EIF3B: variants seen among roughly 807,000 people sequenced by gnomAD.
EIF3B encodes eukaryotic translation initiation factor 3 subunit B.
A neutral mutation model predicts 104.6 loss-of-function variants in EIF3B; 10 were observed. The observed-to-expected ratio is 0.10, with a 90% CI of 0.06 to 0.16. The LOEUF (loss-of-function observed/expected upper bound fraction) is 0.16. Among genes scored for constraint, EIF3B ranks in the 10% least tolerant of loss-of-function variants. The probability of loss-of-function intolerance (pLI) is 1.00; values close to 1 mark genes in which losing one functional copy is unlikely to be tolerated. For synonymous variants in EIF3B, 542 were observed against 417.2 expected, an observed-to-expected ratio of 1.30 and a Z score of -3.65; for missense variants, 1,014 against 1,087.9, an observed-to-expected ratio of 0.93 and a Z score of 0.96.
intron 2 of EIF3B, 100 bp downstream of exon 2, chr7:2,361,002 A>ACGTGCCTG: frequency 3.0e-6 from 3 of 1,003,944 alleles, no homozygotes; most frequent in Non-Finnish European, 4.4e-6. Context: ...TGCCTTGCCC[A>ACGTGCCTG]GGCACGTGGG....
In EIF3B at chr7:2,355,440, G is replaced by A. The variant is rs778202566; in HGVS notation, c.499+20G>A. On this transcript the variant is annotated intron_variant, in intron 1 of 18. Coordinates refer to ENST00000360876, the MANE Select transcript of EIF3B (RefSeq NM_001037283.2). Reference sequence around the variant, plus strand: ...AGGAAGGTGAGGGCGCCCGGGGCGGGGCTGGCGAGCGGCGCGGGAGCGTGG... The same window carrying A: ...AGGAAGGTGAGGGCGCCCGGGGCGGAGCTGGCGAGCGGCGCGGGAGCGTGG... 6.6e-4 allele frequency: 944 copies of A among 1,425,562 alleles called. 6 individuals carry two copies. The highest frequency in any genetic ancestry group is 3.3e-4 in the Non-Finnish European group (361 of 1,090,572). 88.3% of individuals were successfully genotyped at this position (1,425,562 alleles called of 1,614,324 possible). A position where few individuals can be genotyped will look rare whatever the true frequency, so the allele number is the denominator to read the frequency against.
At chr7:2,358,286 G>A (rs1036290510) in intron 1 of EIF3B, among the ~76,000 whole-genome samples, 1 of 152,102 alleles carries the variant, frequency 6.6e-6, no homozygotes, top group African/African-American at 2.4e-5. Flanking sequence ...GTTTTGCCTT[G>A]TTGGCCAGGC....
intron 13 of EIF3B, 69 bp downstream of exon 13, chr7:2,374,675 C>A: frequency 1.4e-6 from 2 of 1,394,560 alleles, no homozygotes; most frequent in Non-Finnish European, 2.0e-6. Flanking sequence ...ACCCCTCAGG[C>A]GCCTGCACCC....
chr7:2,355,118 T>G lies in EIF3B; in HGVS notation c.197T>G (p.Val66Gly), dbSNP rs1319605276. The change falls in exon 1 of 19, where the codon GTG becomes GGG. Residue 66 changes from valine to glycine, a missense_variant. Around this residue, in one of 4 missense-constraint regions of EIF3B, gnomAD observed 488 missense variants for 404.3 expected, o/e 1.21. Coordinates refer to ENST00000360876, the MANE Select transcript of EIF3B (RefSeq NM_001037283.2). ...GIAEAGPESE[V>G]RTEPAAEAEA... The stretch of plus-strand genomic sequence containing the variant: ...GCGGAGGCCGGGCCGGAGTCCGAGG[T>G]GAGGACCGAGCCGGCGGCCGAGGCA... The G allele has an allele frequency of 1.4e-6, 2 of 1,391,398 alleles. No homozygotes were observed. The highest frequency in any genetic ancestry group is 9.2e-7 in the Non-Finnish European group (1 of 1,081,582). 86.2% of individuals were successfully genotyped at this position (1,391,398 alleles called of 1,614,324 possible).
At chr7:2,362,337 T>A (rs1779776283) in intron 2 of EIF3B, among the ~76,000 whole-genome samples, 1 of 152,190 alleles carries the variant, frequency 6.6e-6, no homozygotes, top group Non-Finnish European at 1.5e-5. Context: ...TACAATTTAA[T>A]ACATTTTGAT....
intron 17 of EIF3B, 30 bp downstream of exon 17, chr7:2,379,272 G>C (rs780842747): frequency 6.3e-7 from 1 of 1,597,216 alleles, no homozygotes; most frequent in Admixed American, 1.7e-5. Flanking sequence ...GTCCCCAGGA[G>C]CTGGCCCTTA....
In EIF3B at chr7:2,371,741, C is replaced by G. The variant is rs778903203; in HGVS notation, c.1615-36C>G. ...AAACCTTTTCTCATATTTTCACTGT[C>G]CAGAATGTCACCCCTTCCCCCTTTT... On this transcript the variant is annotated intron_variant, in intron 10 of 18. Transcript: ENST00000360876. The G allele has an allele frequency of 5.4e-6, 8 of 1,479,420 alleles. No homozygotes were observed. In the South Asian group the frequency reaches 6.8e-5, roughly 13 times the overall value. 91.6% of individuals were successfully genotyped at this position (1,479,420 alleles called of 1,614,324 possible).
In EIF3B at chr7:2,355,236, C is replaced by T. The variant is rs868300546; in HGVS notation, c.315C>T (p.Gly105=). 1 of 1,512,188 alleles carries T rather than the reference C, an allele frequency of 6.6e-7. No homozygotes were observed. The highest frequency in any genetic ancestry group is 8.8e-7 in the Non-Finnish European group (1 of 1,138,040). 93.7% of individuals were successfully genotyped at this position (1,512,188 alleles called of 1,614,324 possible). A position where few individuals can be genotyped will look rare whatever the true frequency, so the allele number is the denominator to read the frequency against. Residue 105 remains glycine (G), a synonymous_variant, in exon 1 of 19, where the codon GGC becomes GGT. Transcript: ENST00000360876. The part of the protein sequence containing the change: ...SHAEPPVPAQ[G]EAPGEQARDE... ...CTGAGCCCCCTGTCCCGGCACAGGG[C>T]GAGGCCCCAGGAGAGCAGGCTCGGG...
chr7:2,377,692 T>A (rs372505148), intron 15 of EIF3B: 350 of 29,058 alleles, frequency 0.012, 5 homozygotes, highest in Admixed American at 0.019. Context: ...GCTCCTGGGA[T>A]GCTGTGTTCT....
intron 9 of EIF3B, among the ~76,000 whole-genome samples, chr7:2,367,836 T>C (rs1583166645): frequency 3.7e-5 from 2 of 53,994 alleles, no homozygotes; most frequent in Non-Finnish European, 1.1e-4. Flanking sequence ...TTTTTTTTTT[T>C]TTTTTTTTTT....
intron 14 of EIF3B, 199 bp from the exon 15 acceptor site, chr7:2,376,751 C>T (rs150672383): frequency 1.5e-6 from 1 of 656,372 alleles, no homozygotes; most frequent in Non-Finnish European, 2.5e-6. Context: ...CTGCTCCGTG[C>T]CCCGCACTCC....
intron 1 of EIF3B, among the ~76,000 whole-genome samples, chr7:2,360,253 A>T (rs1276519293): frequency 6.6e-6 from 1 of 152,188 alleles, no homozygotes; most frequent in Non-Finnish European, 1.5e-5. Context: ...TGAGCATTTA[A>T]ATATTTACTT....
chr7:2,375,789 T>C (rs75004118), intron 14 of EIF3B, among the ~76,000 whole-genome samples: 1,965 of 151,980 alleles, frequency 0.013, 44 homozygotes, highest in African/African-American at 0.044. Flanking sequence ...TGAAAAGGAG[T>C]GAGAATGTCT....
chr7:2,373,895 C>T (rs904948768), intron 12 of EIF3B: 3 of 152,270 alleles, frequency 2.0e-5, no homozygotes, highest in Admixed American at 6.5e-5. Flanking sequence ...TGCCCTCCCA[C>T]ATCTCCTCCC....
At chr7:2,366,614 A>T in intron 8 of EIF3B, 23 bp downstream of exon 8, 1 of 1,613,864 alleles carries the variant, frequency 6.2e-7, no homozygotes, top group Non-Finnish European at 8.5e-7. Context: ...AGTGATGGCA[A>T]ACGCCCCGTC....
At chr7:2,372,388 T>G (rs1209099230) in intron 11 of EIF3B, among the ~76,000 whole-genome samples, 2 of 152,160 alleles carry the variant, frequency 1.3e-5, no homozygotes, top group Admixed American at 1.3e-4. Flanking sequence ...GGAAGCGGCA[T>G]CCACAGCTGC....
intron 12 of EIF3B, chr7:2,372,997 C>A: frequency 2.3e-6 from 1 of 438,978 alleles, no homozygotes; most frequent in Non-Finnish European, 3.9e-6. Flanking sequence ...TCTCTGAGCC[C>A]CGTTGAGCCC....
At chr7:2,362,417 G>T (rs1407350386) in intron 2 of EIF3B, among the ~76,000 whole-genome samples, 1 of 152,184 alleles carries the variant, frequency 6.6e-6, no homozygotes, top group Non-Finnish European at 1.5e-5. Context: ...CTATAATTAT[G>T]ATAATGAAAC....
chr7:2,356,602 C>CAA (rs558863981), intron 1 of EIF3B, among the ~76,000 whole-genome samples: 1,534 of 90,210 alleles, frequency 0.017, 55 homozygotes, highest in Admixed American at 0.085. Flanking sequence ...GACTCCGTCT[C>CAA]AAAAAAAAAA....
Sources: allele counts gnomAD v4.1 joint callset (sites outside exome capture counted in the v4.1 genomes callset), GRCh38; gene constraint gnomAD v4.1.1; regional missense constraint gnomAD v4.1.1; transcripts MANE v1.5; gene names NCBI Gene and HGNC (gene_info 2026-07-23, HGNC 2026-07-21).